Variants in CAPS2 observed in about 807,000 individuals in gnomAD.
The protein encoded by CAPS2 is calcyphosin-2.
Under a neutral mutation model 86.5 loss-of-function variants are expected in CAPS2, and 98 were observed. The ratio of observed to expected loss-of-function variants is 1.13; its 90% CI spans 0.96 to 1.34. The LOEUF is 1.34. Ranked by LOEUF, CAPS2 falls within the 40% of genes most tolerant of loss-of-function variation. CAPS2 has a pLI of 0.00. For missense variants in CAPS2, 729 were observed against 686.8 expected (o/e 1.06, Z -0.69); for synonymous variants, 210 against 225.1 (o/e 0.93, Z 0.60).
intron 1 of CAPS2, among the ~76,000 whole-genome samples, chr12:75,337,849 T>C (rs1428338513): frequency 1.3e-5 from 2 of 152,064 alleles, no homozygotes; most frequent in Non-Finnish European, 2.9e-5. Flanking sequence ...CTTCTTTGTC[T>C]TGTACAAATG....
upstream of CAPS2, among the ~76,000 whole-genome samples, chr12:75,330,678 T>C (rs2041230950): frequency 6.6e-6 from 1 of 152,174 alleles, no homozygotes; most frequent in Non-Finnish European, 1.5e-5. Context: ...ACATGAATAA[T>C]TGCATATATA....
chr12:75,299,965 G>T, intron 8 of CAPS2, 54 bp from the exon 9 acceptor site: 2 of 704,336 alleles, frequency 2.8e-6, no homozygotes, highest in South Asian at 2.4e-5. Context: ...TAACTTGATG[G>T]AAATTGTAAA....
intron 1 of CAPS2, among the ~76,000 whole-genome samples, chr12:75,341,909 G>T (rs544510775): frequency 2.0e-5 from 3 of 151,842 alleles, no homozygotes; most frequent in Non-Finnish European, 4.4e-5. Flanking sequence ...CCCCACACCT[G>T]GCTGATTTTT....
At chr12:75,290,699 T>G (rs2035681419) in intron 13 of CAPS2, among the ~76,000 whole-genome samples, 1 of 151,990 alleles carries the variant, frequency 6.6e-6, no homozygotes, top group Non-Finnish European at 1.5e-5. Flanking sequence ...GAGGATCACT[T>G]GAGCCCAGAA....
At chr12:75,374,696 C>T (rs990846819) in intron 1 of CAPS2, among the ~76,000 whole-genome samples, 1 of 152,080 alleles carries the variant, frequency 6.6e-6, no homozygotes, top group East Asian at 1.9e-4. Flanking sequence ...CTGATATATC[C>T]CTGAGGTAGG....
chr12:75,367,986 T>C (rs1405961137), intron 1 of CAPS2, among the ~76,000 whole-genome samples: 2 of 152,096 alleles, frequency 1.3e-5, no homozygotes, highest in Admixed American at 6.6e-5. Context: ...TTTTGCTGAG[T>C]TTTTAATTTG....
intron 1 of CAPS2, among the ~76,000 whole-genome samples, chr12:75,363,420 A>G (rs915023429): frequency 1.3e-5 from 2 of 152,162 alleles, no homozygotes; most frequent in African/African-American, 4.8e-5. Context: ...AATGAGGTAC[A>G]ACCATGATTC....
In CAPS2 at chr12:75,289,783, A is replaced by C. The variant is rs771382042; in HGVS notation, c.1241-8T>G. ...GTTTTTCTTTTAGCACATCTGTTCA[A>C]CAAGAAGAGAGATGAAAACAAATTG... On this transcript the variant is annotated splice_polypyrimidine_tract_variant and splice_region_variant and intron_variant, in intron 13 of 16. Coordinates refer to ENST00000393284, the Ensembl canonical transcript of CAPS2. The C allele has an allele frequency of 6.2e-7, 1 of 1,601,802 alleles. No individual in the cohort carries two copies. Among genetic ancestry groups the C allele is most frequent in the South Asian group, 1.1e-5 (1 of 89,466 alleles).
Position 75,299,002 on chromosome 12 carries a change from A to G in CAPS2, c.855-36T>C, listed in dbSNP as rs777131257. The stretch of plus-strand genomic sequence containing the variant: ...AGAATGAAATCAAACATCTTCAAAT[A>G]GAATAATTTTTAGATGAATTAACTA... On this transcript the variant is annotated intron_variant, in intron 9 of 16. Coordinates refer to ENST00000393284, the Ensembl canonical transcript of CAPS2. 5.9e-6 allele frequency: 8 copies of G among 1,353,900 alleles called. No individual in the cohort carries two copies. In the South Asian group the frequency reaches 1.1e-4, roughly 18 times the overall value. The allele number at this position is 1,353,900 out of a possible 1,614,324, so 83.9% of individuals were successfully genotyped here. A position where few individuals can be genotyped will look rare whatever the true frequency, so the allele number is the denominator to read the frequency against.
At chr12:75,340,248 G>C (rs971668904) in intron 1 of CAPS2, among the ~76,000 whole-genome samples, 11 of 151,368 alleles carry the variant, frequency 7.3e-5, no homozygotes, top group African/African-American at 2.7e-4. Context: ...ACTGCAAATT[G>C]TGCTGCTATA....
At chr12:75,383,624 T>A (rs1258190636) in intron 1 of CAPS2, among the ~76,000 whole-genome samples, 3 of 152,120 alleles carry the variant, frequency 2.0e-5, no homozygotes, top group Non-Finnish European at 4.4e-5. Flanking sequence ...AATGTATAGA[T>A]TCAGCAGGCA....
chr12:75,370,528 T>A (rs988229898), intron 1 of CAPS2: 10 of 163,222 alleles, frequency 6.1e-5, no homozygotes, highest in Admixed American at 5.5e-4. Context: ...GTTTCCTTTA[T>A]GAATACCATC....
upstream of CAPS2, chr12:75,329,732 T>A: frequency 1.0e-6 from 1 of 993,474 alleles, no homozygotes; most frequent in East Asian, 3.0e-5. Flanking sequence ...GATATCTGAA[T>A]TGAAACTTAG....
At chr12:75,285,717 C>T (rs2034757974) in intron 14 of CAPS2, among the ~76,000 whole-genome samples, 1 of 151,760 alleles carries the variant, frequency 6.6e-6, no homozygotes, top group South Asian at 2.1e-4. Flanking sequence ...GTGTGTGTGT[C>T]TGTGTATGTG....
At chr12:75,278,870 G>A in exon 17 of CAPS2, 1 of 1,487,100 alleles carries the variant, frequency 6.7e-7, no homozygotes, top group Non-Finnish European at 8.9e-7. Context: ...TAGTGTTGAT[G>A]ACATATGTAT....
chr12:75,319,720 C>G (rs77953847), intron 5 of CAPS2, among the ~76,000 whole-genome samples: 5,703 of 152,130 alleles, frequency 0.037, 126 homozygotes, highest in East Asian at 0.051. Flanking sequence ...AGTTCTTGCC[C>G]TGGATCCTAA....
At chr12:75,390,386 T>A (rs1299657567) in intron 1 of CAPS2, 4 of 456,306 alleles carry the variant, frequency 8.8e-6, no homozygotes, top group Non-Finnish European at 1.8e-5. Flanking sequence ...ATTGTGCTGA[T>A]GAGAGAAGAA....
chr12:75,321,451 T>C (rs1205554197), exon 5 of CAPS2: 5 of 1,548,042 alleles, frequency 3.2e-6, no homozygotes, highest in Non-Finnish European at 4.4e-6. Context: ...CATTTGATTT[T>C]GTATTTTCTG....
chr12:75,304,922 T>C (rs2038268012), intron 7 of CAPS2, 46 bp from the exon 8 acceptor site: 2 of 1,582,940 alleles, frequency 1.3e-6, no homozygotes, highest in Non-Finnish European at 1.7e-6. Context: ...TGATCATGCA[T>C]TACTTTAAAA....
Sources: allele counts gnomAD v4.1 joint callset (sites outside exome capture counted in the v4.1 genomes callset), GRCh38; gene constraint gnomAD v4.1.1; transcripts MANE v1.5; gene names NCBI Gene and HGNC (gene_info 2026-07-23, HGNC 2026-07-21).